Variants in SLC44A1 observed in about 807,000 individuals in gnomAD.
SLC44A1 encodes choline transporter-like protein 1.
Under a neutral mutation model 79.3 loss-of-function variants are expected in SLC44A1, and 26 were observed. The ratio of observed to expected loss-of-function variants is 0.33; its 90% CI spans 0.24 to 0.46. SLC44A1 has a LOEUF of 0.46. SLC44A1 is among the 20% of genes least tolerant of loss of function. The pLI is 1.00. For missense variants in SLC44A1, 688 were observed against 798.1 expected, an observed-to-expected ratio of 0.86 and a Z score of 1.66; for synonymous variants, 263 against 286.2, an observed-to-expected ratio of 0.92 and a Z score of 0.82.
intron 5 of SLC44A1, among the ~76,000 whole-genome samples, chr9:105,348,996 T>A (rs939197752): frequency 6.6e-6 from 1 of 152,188 alleles, no homozygotes; most frequent in African/African-American, 2.4e-5. Context: ...AAGTACCTAC[T>A]GTGCATGATG....
downstream of SLC44A1, among the ~76,000 whole-genome samples, chr9:105,397,950 AAAAAAAAAAAAAAG>A (rs1000280757): frequency 4.7e-5 from 7 of 149,000 alleles, no homozygotes; most frequent in African/African-American, 1.6e-4. Context: ...TCGGTCTCAG[AAAAAAAAAAAAAAG>A]AAAAAAAGAA....
At chr9:105,290,168 A>G (rs1447382825) in intron 1 of SLC44A1, among the ~76,000 whole-genome samples, 1 of 152,210 alleles carries the variant, frequency 6.6e-6, no homozygotes, top group Non-Finnish European at 1.5e-5. Context: ...AGATTGGAGT[A>G]AGAATCTTAT....
chr9:105,368,866 C>T (rs888616950), intron 12 of SLC44A1, among the ~76,000 whole-genome samples: 11 of 152,032 alleles, frequency 7.2e-5, no homozygotes, highest in African/African-American at 2.7e-4. Context: ...GGTGAAACCC[C>T]ATCTCTACTA....
intron 4 of SLC44A1, 107 bp from the exon 5 acceptor site, chr9:105,348,251 T>G: frequency 1.6e-6 from 1 of 624,446 alleles, no homozygotes; most frequent in Non-Finnish European, 2.9e-6. Flanking sequence ...TTATGAATTC[T>G]ATAATGTTTG....
chr9:105,354,193 G>A (rs966649920), intron 5 of SLC44A1, among the ~76,000 whole-genome samples: 1 of 150,148 alleles, frequency 6.7e-6, no homozygotes, highest in Non-Finnish European at 1.5e-5. Context: ...TGGGACTACA[G>A]GCGCCCGCTA....
At chr9:105,366,255 A>G in intron 11 of SLC44A1, 91 bp from the exon 12 acceptor site, 1 of 602,528 alleles carries the variant, frequency 1.7e-6, no homozygotes, top group African/African-American at 1.9e-5. Flanking sequence ...GTGATTTTTA[A>G]ATTTTTATTT....
At chr9:105,412,529 A>T (rs1829110410) in intron 15 of SLC44A1, among the ~76,000 whole-genome samples, 1 of 152,210 alleles carries the variant, frequency 6.6e-6, no homozygotes, top group African/African-American at 2.4e-5. Flanking sequence ...AGGTCTGGGC[A>T]CAATATGTGC....
intron 1 of SLC44A1, among the ~76,000 whole-genome samples, chr9:105,284,366 T>C (rs528538097): frequency 1.1e-4 from 16 of 152,156 alleles, no homozygotes; most frequent in African/African-American, 3.9e-4. Flanking sequence ...CACCCGGTCC[T>C]GACAAGTACA....
chr9:105,269,073 T>C (rs1472653431), intron 1 of SLC44A1, among the ~76,000 whole-genome samples: 2 of 152,202 alleles, frequency 1.3e-5, no homozygotes, highest in African/African-American at 4.8e-5. Flanking sequence ...TAGACTGTCA[T>C]GAGCTTTTAT....
At position 105,395,157 on chromosome 9, in the gene SLC44A1, G is replaced by A; in HGVS notation, c.*6101G>A. Reference sequence around the variant, plus strand: ...GAAATATAACTGGCTGGTGAAGAAAGGAGAAAAGTCAGCCCCCTACCCCAC... The same window carrying A: ...GAAATATAACTGGCTGGTGAAGAAAAGAGAAAAGTCAGCCCCCTACCCCAC... On this transcript the variant is annotated 3_prime_UTR_variant, in exon 16 of 16. Coordinates refer to ENST00000374720, the MANE Select transcript of SLC44A1 (RefSeq NM_080546.5). 1 of 985,480 alleles carries A rather than the reference G, an allele frequency of 1.0e-6. No homozygotes were observed. The highest frequency in any genetic ancestry group is 1.2e-6 in the Non-Finnish European group (1 of 829,964). 61.0% of individuals were successfully genotyped at this position (985,480 alleles called of 1,614,324 possible).
chr9:105,365,095 C>A (rs548319533), intron 10 of SLC44A1, among the ~76,000 whole-genome samples: 4 of 152,304 alleles, frequency 2.6e-5, no homozygotes, highest in Middle Eastern at 3.4e-3. Flanking sequence ...CCTTTGCTAA[C>A]TTTAGAGCCA....
chr9:105,289,664 C>T (rs1042603579), intron 1 of SLC44A1, among the ~76,000 whole-genome samples: 2 of 152,148 alleles, frequency 1.3e-5, no homozygotes, highest in Admixed American at 6.5e-5. Flanking sequence ...GAACTAAAAA[C>T]ATCTTAATTG....
At chr9:105,408,220 T>G (rs1211355685) in intron 15 of SLC44A1, among the ~76,000 whole-genome samples, 1 of 152,068 alleles carries the variant, frequency 6.6e-6, no homozygotes, top group East Asian at 1.9e-4. Flanking sequence ...AAACAAAAGT[T>G]GAGGAAGTTT....
At chr9:105,388,950 AT>A (rs1828696183) in intron 15 of SLC44A1, 82 bp from the exon 16 acceptor site, 2 of 1,019,180 alleles carry the variant, frequency 2.0e-6, no homozygotes, top group Admixed American at 3.4e-5. Flanking sequence ...GTTTGTGACC[AT>A]GTGTATATTT....
At chr9:105,355,422 T>A (rs578075220) in intron 5 of SLC44A1, among the ~76,000 whole-genome samples, 2 of 152,348 alleles carry the variant, frequency 1.3e-5, no homozygotes, top group South Asian at 4.1e-4. Context: ...AGATTAATAG[T>A]AACTGATAAA....
At chr9:105,365,443 G>C (rs1344495954) in intron 10 of SLC44A1, 40 bp from the exon 11 acceptor site, 5 of 1,538,090 alleles carry the variant, frequency 3.3e-6, no homozygotes, top group Non-Finnish European at 4.5e-6. Context: ...TCCTGATCTA[G>C]GCTTTGTTTT....
intron 15 of SLC44A1, among the ~76,000 whole-genome samples, chr9:105,424,822 C>G (rs1018283308): frequency 1.3e-5 from 2 of 151,840 alleles, no homozygotes; most frequent in Non-Finnish European, 2.9e-5. Flanking sequence ...TGGTGCACAC[C>G]TGTAGTCTCA....
intron 1 of SLC44A1, among the ~76,000 whole-genome samples, chr9:105,252,253 T>A (rs183893541): frequency 6.6e-6 from 1 of 152,306 alleles, no homozygotes; most frequent in Non-Finnish European, 1.5e-5. Context: ...TTGCTGACCC[T>A]TGCTCTAGGC....
Position 105,390,575 on chromosome 9 carries a change from T to G in SLC44A1, c.*1519T>G. ...TGCATACAAGTAATGTCACTAGGGC[T>G]TAATAAGCAGCCGTTTGCTAATGTG... On this transcript the variant is annotated 3_prime_UTR_variant, in exon 16 of 16. Transcript: ENST00000374720. The G allele has an allele frequency of 5.2e-5, 51 of 985,826 alleles. No homozygotes were observed. The highest frequency in any genetic ancestry group is 6.1e-5 in the Non-Finnish European group (51 of 829,926). 61.1% of individuals were successfully genotyped at this position (985,826 alleles called of 1,614,324 possible). A position where few individuals can be genotyped will look rare whatever the true frequency, so the allele number is the denominator to read the frequency against.
Sources: gnomAD v4.1 joint callset for allele counts (sites outside exome capture counted in the v4.1 genomes callset) on GRCh38, gnomAD v4.1.1 for gene constraint, MANE v1.5 for transcripts, NCBI Gene and HGNC (gene_info 2026-07-23, HGNC 2026-07-21) for gene names.